The following FNDC3A variants were observed in gnomAD, a reference collection of about 807,000 sequenced individuals.
FNDC3A encodes the protein fibronectin type-III domain-containing protein 3A.
FNDC3A carries 32 observed loss-of-function variants against 148.9 expected under a neutral mutation model. The observed-to-expected ratio is 0.21, with a 90% CI of 0.16 to 0.29. The LOEUF (loss-of-function observed/expected upper bound fraction) is 0.29, where lower values mean the gene tolerates loss of function less well. Ranked by LOEUF, FNDC3A falls within the 10% of genes least tolerant of loss-of-function variation. The pLI is 1.00. For synonymous variants in FNDC3A, 472 were observed against 473.6 expected (o/e 1.00, Z 0.04); for missense variants, 1,191 against 1,452.8 (o/e 0.82, Z 2.93).
intron 3 of FNDC3A, among the ~76,000 whole-genome samples, chr13:49,078,190 C>A (rs1254912553): frequency 4.6e-5 from 7 of 152,280 alleles, no homozygotes; most frequent in African/African-American, 1.7e-4. Context: ...GATAACCAGA[C>A]CCTGAATTAT....
At chr13:48,982,737 C>CT (rs2137547534) in intron 1 of FNDC3A, among the ~76,000 whole-genome samples, 1 of 152,292 alleles carries the variant, frequency 6.6e-6, no homozygotes, top group South Asian at 2.1e-4. Flanking sequence ...TTTCTTACCT[C>CT]TTTACAACTT....
At chr13:49,009,453 G>C in intron 2 of FNDC3A, among the ~76,000 whole-genome samples, 1 of 152,192 alleles carries the variant, frequency 6.6e-6, no homozygotes, top group Non-Finnish European at 1.5e-5. Flanking sequence ...GTGTACATAA[G>C]TTTTAATTCA....
intron 2 of FNDC3A, among the ~76,000 whole-genome samples, chr13:49,014,325 G>C (rs1952439728): frequency 5.7e-5 from 6 of 105,654 alleles, no homozygotes; most frequent in South Asian, 3.8e-4. Flanking sequence ...TTGTGGTTTT[G>C]ATTTGCATTT....
intron 8 of FNDC3A, among the ~76,000 whole-genome samples, chr13:49,148,751 G>A (rs879518140): frequency 2.6e-5 from 4 of 152,078 alleles, no homozygotes; most frequent in African/African-American, 4.8e-5. Context: ...AATGACATTG[G>A]TATTTTGATA....
rs138847295 is a variant in FNDC3A, at chr13:49,104,871, A to G, written c.176-9784A>G. 3.0e-4 allele frequency among the ~76,000 whole-genome samples: 46 copies of G among 152,346 alleles called. 2 individuals carry two copies. The East Asian group carries it at 6.9e-3, about 23-fold the overall frequency. ...ATAATAATAAAGAGAGAGTATCTTC[A>G]TGACTACAGAGTAGAGAAAGTTTTT... On this transcript the variant is annotated intron_variant, in intron 3 of 25. Transcript: ENST00000492622.
intron 4 of FNDC3A, among the ~76,000 whole-genome samples, chr13:49,124,616 G>T (rs1430702867): frequency 6.6e-6 from 1 of 152,076 alleles, no homozygotes; most frequent in African/African-American, 2.4e-5. Context: ...GGGCCTGCTT[G>T]GTCCTTATTT....
chr13:49,181,258 A>G (rs1885287205), intron 14 of FNDC3A, among the ~76,000 whole-genome samples: 1 of 152,184 alleles, frequency 6.6e-6, no homozygotes, highest in Non-Finnish European at 1.5e-5. Context: ...CCACCTCTTT[A>G]CTCATCACTG....
chr13:49,088,136 T>G (rs1412909188), intron 3 of FNDC3A, among the ~76,000 whole-genome samples: 2 of 152,164 alleles, frequency 1.3e-5, no homozygotes, highest in Admixed American at 6.5e-5. Flanking sequence ...CTAACCATTT[T>G]TAACCTTTTA....
chr13:49,088,997 G>A (rs1267926898), intron 3 of FNDC3A, among the ~76,000 whole-genome samples: 1 of 152,206 alleles, frequency 6.6e-6, no homozygotes, highest in Non-Finnish European at 1.5e-5. Flanking sequence ...AATTCATAGA[G>A]AGAGAAAATA....
At chr13:48,986,385 GTTTTTTTTTTTTTTTTT>G (rs869031197) in intron 1 of FNDC3A, among the ~76,000 whole-genome samples, 3 of 54,412 alleles carry the variant, frequency 5.5e-5, no homozygotes, top group Non-Finnish European at 9.3e-5. Context: ...GAAGGAAGTT[GTTTTTTTTTTTTTTTTT>G]TTTTTTTTTT....
chr13:49,107,347 A>ATG (rs1880263524), intron 3 of FNDC3A, among the ~76,000 whole-genome samples: 1 of 152,310 alleles, frequency 6.6e-6, no homozygotes, highest in South Asian at 2.1e-4. Flanking sequence ...GCTGGATGGT[A>ATG]TGATGGGGCA....
intron 14 of FNDC3A, among the ~76,000 whole-genome samples, chr13:49,181,390 C>T (rs1030866547): frequency 6.6e-6 from 1 of 152,088 alleles, no homozygotes; most frequent in African/African-American, 2.4e-5. Context: ...ATTCTCTGGC[C>T]CTGCCCCTCC....
intron 3 of FNDC3A, among the ~76,000 whole-genome samples, chr13:49,112,038 G>A (rs1366569376): frequency 2.0e-5 from 3 of 152,114 alleles, no homozygotes; most frequent in Non-Finnish European, 2.9e-5. Context: ...GTAAAAGGAG[G>A]GCCACTTGAA....
intron 3 of FNDC3A, among the ~76,000 whole-genome samples, chr13:49,084,895 A>T (rs1298046761): frequency 6.6e-6 from 1 of 152,020 alleles, no homozygotes; most frequent in Non-Finnish European, 1.5e-5. Flanking sequence ...CTGTCCCCTC[A>T]TTAAAGAAGT....
At chr13:48,991,993 A>G (rs948221452) in intron 1 of FNDC3A, among the ~76,000 whole-genome samples, 2 of 152,222 alleles carry the variant, frequency 1.3e-5, no homozygotes, top group African/African-American at 4.8e-5. Context: ...CGAATACTGA[A>G]AAGTGGAAAA....
intron 3 of FNDC3A, among the ~76,000 whole-genome samples, chr13:49,113,174 C>T (rs1378101406): frequency 6.6e-6 from 1 of 151,214 alleles, no homozygotes; most frequent in Non-Finnish European, 1.5e-5. Flanking sequence ...CTCTTGTCCC[C>T]TTTCTTATCC....
At chr13:49,104,440 C>T (rs1880038138) in intron 3 of FNDC3A, among the ~76,000 whole-genome samples, 1 of 152,038 alleles carries the variant, frequency 6.6e-6, no homozygotes, top group Non-Finnish European at 1.5e-5. Flanking sequence ...AGGAGAATGG[C>T]GTGAACCCAG....
chr13:49,144,606 T>C (rs930178171), intron 7 of FNDC3A, among the ~76,000 whole-genome samples: 3 of 152,228 alleles, frequency 2.0e-5, no homozygotes, highest in Non-Finnish European at 4.4e-5. Flanking sequence ...GTAAACCTTA[T>C]CTAATCTCTA....
intron 2 of FNDC3A, chr13:49,045,054 CT>C: frequency 4.8e-6 from 1 of 209,506 alleles, no homozygotes; most frequent in Non-Finnish European, 9.7e-6. Context: ...TTTCCTTTCC[CT>C]TTCCCTTTTC....
Sources: allele counts gnomAD v4.1 joint callset (sites outside exome capture counted in the v4.1 genomes callset), GRCh38; gene constraint gnomAD v4.1.1; transcripts MANE v1.5; gene names NCBI Gene and HGNC (gene_info 2026-07-23, HGNC 2026-07-21).